Variants in AHNAK observed in about 807,000 individuals in gnomAD.
AHNAK encodes AHNAK nucleoprotein, also known as neuroblast differentiation-associated protein AHNAK.
AHNAK carries 23 observed loss-of-function variants against 37.8 expected under a neutral mutation model. That is an observed-to-expected ratio of 0.61 (90% CI 0.44 to 0.86). The LOEUF (loss-of-function observed/expected upper bound fraction) is 0.86, where lower values mean the gene tolerates loss of function less well. AHNAK is among the 40% of genes least tolerant of loss of function. The pLI, the probability that AHNAK is intolerant of heterozygous loss-of-function variation, is 0.00. For synonymous variants in AHNAK, 2,481 were observed against 2,636.3 expected (o/e 0.94, Z 1.80); for missense variants, 7,411 against 7,319.4 (o/e 1.01, Z -0.46).
intron 1 of AHNAK, among the ~76,000 whole-genome samples, chr11:62,538,502 G>A (rs1013312608): frequency 5.9e-5 from 9 of 152,202 alleles, no homozygotes; most frequent in African/African-American, 1.9e-4. Flanking sequence ...AAGTCATGGG[G>A]AACCTAAGCC....
At chr11:62,511,821 TG>T (rs1460497705), downstream of AHNAK, among the ~76,000 whole-genome samples, 1 of 152,200 alleles carries the variant, frequency 6.6e-6, no homozygotes, top group East Asian at 1.9e-4. Context: ...CCTGAGTAGC[TG>T]GGACTACAGG....
intron 5 of AHNAK, among the ~76,000 whole-genome samples, chr11:62,439,118 G>A (rs1328351105): frequency 8.0e-6 from 1 of 125,312 alleles, no homozygotes; most frequent in Non-Finnish European, 1.7e-5. Flanking sequence ...TTTTGAGATG[G>A]AGTCTCGCTC....
chr11:62,498,793 AAAC>A (rs1939660857), intron 4 of AHNAK, among the ~76,000 whole-genome samples: 1 of 151,248 alleles, frequency 6.6e-6, no homozygotes, highest in Non-Finnish European at 1.5e-5. Flanking sequence ...AATAAAATAA[AAAC>A]AAAAAACAAA....
chr11:62,452,709 T>C (rs1938566565), intron 5 of AHNAK, among the ~76,000 whole-genome samples: 1 of 152,146 alleles, frequency 6.6e-6, no homozygotes, highest in Admixed American at 6.6e-5. Flanking sequence ...GCTCACACAA[T>C]GGGACAGGTG....
chr11:62,433,752 A>T, exon 6 of AHNAK: 1 of 1,309,468 alleles, frequency 7.6e-7, no homozygotes, highest in East Asian at 2.3e-5. Flanking sequence ...GCCTCGCGGA[A>T]GGTATTCCTT....
intron 5 of AHNAK, among the ~76,000 whole-genome samples, chr11:62,442,521 C>T (rs1038151433): frequency 1.3e-4 from 20 of 152,080 alleles, no homozygotes; most frequent in Non-Finnish European, 2.4e-4. Flanking sequence ...GCACTCCAGC[C>T]TGGGTGACAG....
chr11:62,529,174 A>G lies in AHNAK; in HGVS notation c.5243T>C (p.Val1748Ala), dbSNP rs779377670. The change falls in exon 5 of 5, where the codon GTG becomes GCG. Residue 1748 changes from valine to alanine, a missense_variant. Coordinates refer to ENST00000378024, the MANE Select transcript of AHNAK (RefSeq NM_001620.3). ...ATCCAAATCAGGAGCATCAGTGTCC[A>G]CACTGGGTCCAGACACATCAATGTC... Reference protein sequence around the residue: ...KADIDVSGPSVDTDAPDLDIE... With the variant: ...KADIDVSGPSADTDAPDLDIE... 2 of 1,614,080 alleles carry G rather than the reference A, an allele frequency of 1.2e-6. No homozygotes were observed. Among genetic ancestry groups the G allele is most frequent in the Non-Finnish European group, 1.7e-6 (2 of 1,180,044 alleles).
rs1182314902 is a variant in AHNAK at position 62,519,003 on chromosome 11, C to T, written c.15414G>A (p.Ala5138=). ...CTGGCATCTTGACCTTGGGAGCCTT[C>T]GCCTTGATGTCAAGACCTTCGACGT... ...AIHVEGLDIK[A]KAPKVKMPDV... The change falls in exon 5 of 5, where the codon GCG becomes GCA. Residue 5138 remains alanine, a synonymous_variant. Transcript: ENST00000378024. The T allele has an allele frequency of 1.1e-5, 18 of 1,613,920 alleles. No homozygotes were observed. The highest frequency in any genetic ancestry group is 4.0e-5 in the African/African-American group (3 of 74,890).
intron 5 of AHNAK, among the ~76,000 whole-genome samples, chr11:62,464,119 C>G (rs1284215759): frequency 6.6e-6 from 1 of 151,332 alleles, no homozygotes; most frequent in African/African-American, 2.4e-5. Context: ...CCTCAACCAC[C>G]CTGGCCCAAG....
chr11:62,456,297 C>A (rs1415190045), intron 5 of AHNAK, among the ~76,000 whole-genome samples: 1 of 152,200 alleles, frequency 6.6e-6, no homozygotes, highest in Non-Finnish European at 1.5e-5. Flanking sequence ...CAGCCCTCAT[C>A]ATTGGCCTTT....
At position 62,518,149 on chromosome 11, in the gene AHNAK, T is replaced by A; in HGVS notation, c.16268A>T (p.Asn5423Ile). Residue 5423 changes from asparagine to isoleucine, a missense_variant, in exon 5 of 5, where the codon AAT (asparagine) becomes ATT (isoleucine). Transcript: ENST00000378024. ...GCCAGAAACCTGTGGCCCCTTGGCA[T>A]TGACGTGCAAGTCGGACCCCGGAGT... Reference protein sequence around the residue: ...ISTPGSDLHVNAKGPQVSGEL... With the variant: ...ISTPGSDLHVIAKGPQVSGEL... 6.2e-7 allele frequency: 1 copy of A among 1,614,184 alleles called. No homozygotes were observed. The highest frequency in any genetic ancestry group is 1.1e-5 in the South Asian group (1 of 91,088).
intron 4 of AHNAK, among the ~76,000 whole-genome samples, chr11:62,495,576 C>CAA (rs57144253): frequency 0.036 from 4,946 of 136,412 alleles, 292 homozygotes; most frequent in African/African-American, 0.12. Context: ...TCTAAAAATA[C>CAA]AAAAAAAAAA....
In AHNAK at chr11:62,527,338, A is replaced by C. The variant is rs1156712001; in HGVS notation, c.7079T>G (p.Val2360Gly). The C allele has an allele frequency of 4.1e-5, 66 of 1,613,886 alleles. No individual in the cohort carries two copies. Among genetic ancestry groups the C allele is most frequent in the Non-Finnish European group, 5.4e-5 (64 of 1,179,902 alleles). ...CTTGCCATTTGGGCCTTCCACAGCT[A>C]CTTCTGGCATGTCAGCATCTAATTT... ...GPKLDADMPE[V>G]AVEGPNGKWK... Residue 2360 changes from valine (V) to glycine (G), a missense_variant, in exon 5 of 5, where the codon GTA (valine) becomes GGA (glycine). Physicochemically the swap from Val to Gly is moderately radical, Grantham distance 109 (BLOSUM62 -3). Coordinates refer to ENST00000378024, the MANE Select transcript of AHNAK (RefSeq NM_001620.3).
At chr11:62,489,896 G>A (rs1392183276) in intron 5 of AHNAK, among the ~76,000 whole-genome samples, 4 of 152,106 alleles carry the variant, frequency 2.6e-5, no homozygotes, top group African/African-American at 7.2e-5. Flanking sequence ...CCAAACAGAC[G>A]TCAACATGAA....
intron 5 of AHNAK, among the ~76,000 whole-genome samples, chr11:62,455,779 C>T (rs979153517): frequency 6.6e-6 from 1 of 151,850 alleles, no homozygotes; most frequent in South Asian, 2.1e-4. Flanking sequence ...GCAGGAGAAT[C>T]GCTTGAACCT....
At chr11:62,480,369 A>C (rs2134868775) in intron 5 of AHNAK, among the ~76,000 whole-genome samples, 2 of 152,234 alleles carry the variant, frequency 1.3e-5, no homozygotes, top group Middle Eastern at 6.8e-3. Flanking sequence ...TAACAGAGAA[A>C]GGCCTGACTT....
At chr11:62,439,089 A>ATTTTTTTTTTT (rs11374757) in intron 5 of AHNAK, among the ~76,000 whole-genome samples, 9 of 92,898 alleles carry the variant, frequency 9.7e-5, no homozygotes, top group Non-Finnish European at 1.6e-4. Context: ...CAGTTTCCCT[A>ATTTTTTTTTTT]TTTTTTTTTT....
chr11:62,439,089 A>ATTTTTTTTT (rs11374757), intron 5 of AHNAK, among the ~76,000 whole-genome samples: 2 of 92,898 alleles, frequency 2.2e-5, no homozygotes, highest in Non-Finnish European at 4.1e-5. Flanking sequence ...CAGTTTCCCT[A>ATTTTTTTTT]TTTTTTTTTT....
intron 5 of AHNAK, among the ~76,000 whole-genome samples, chr11:62,477,925 TC>T (rs1227380579): frequency 9.2e-5 from 14 of 152,070 alleles, no homozygotes; most frequent in African/African-American, 3.4e-4. Flanking sequence ...TGGGGGGCCT[TC>T]CTGGCCAAGG....
Sources: gnomAD v4.1 joint callset for allele counts (sites outside exome capture counted in the v4.1 genomes callset) on GRCh38, gnomAD v4.1.1 for gene constraint, MANE v1.5 for transcripts, NCBI Gene and HGNC (gene_info 2026-07-23, HGNC 2026-07-21) for gene names.